The following MIA3 variants were observed in gnomAD, a reference collection of about 807,000 sequenced individuals.
The protein encoded by MIA3 is transport and Golgi organization protein 1 homolog.
A neutral mutation model predicts 192.4 loss-of-function variants in MIA3; 90 were observed. The ratio of observed to expected loss-of-function variants is 0.47; its 90% CI spans 0.39 to 0.56. The LOEUF (loss-of-function observed/expected upper bound fraction) is 0.56. Ranked by LOEUF, MIA3 falls within the 20% of genes least tolerant of loss-of-function variation. The pLI is 0.00. For synonymous variants in MIA3, 740 were observed against 792.8 expected (o/e 0.93, Z 1.12); for missense variants, 2,123 against 2,269.4 (o/e 0.94, Z 1.31).
At chr1:222,658,040 A>G (rs2936024) in intron 18 of MIA3, among the ~76,000 whole-genome samples, 145,921 of 152,320 alleles carry the variant, frequency 0.96, 69,929 homozygotes, top group Admixed American at 0.98. Context: ...ATAGTTGGCT[A>G]ACCTCTTGAG....
chr1:222,664,680 T>C (rs1159108893), intron 27 of MIA3, among the ~76,000 whole-genome samples: 1 of 152,190 alleles, frequency 6.6e-6, no homozygotes, highest in Non-Finnish European at 1.5e-5. Flanking sequence ...TAGATGGAGC[T>C]GGAAAGCCTT....
At chr1:222,636,458 G>A (rs998960463) in intron 6 of MIA3, among the ~76,000 whole-genome samples, 1 of 149,918 alleles carries the variant, frequency 6.7e-6, no homozygotes, top group Non-Finnish European at 1.5e-5. Context: ...GGCTGAAGGA[G>A]AGACCTCCTT....
intron 6 of MIA3, chr1:222,644,360 C>A: frequency 1.3e-6 from 2 of 1,499,282 alleles, no homozygotes; most frequent in Non-Finnish European, 1.8e-6. Flanking sequence ...AGGCGAAGTT[C>A]AATCCCAGAG....
At chr1:222,619,936 A>G (rs1291360308) in intron 1 of MIA3, among the ~76,000 whole-genome samples, 7 of 152,222 alleles carry the variant, frequency 4.6e-5, no homozygotes, top group Admixed American at 1.3e-4. Context: ...TTGGCATCTC[A>G]AATATTATTA....
In MIA3 at chr1:222,629,749, A is replaced by G; in HGVS notation, c.2529A>G (p.Glu843=). 1 of 1,614,212 alleles carries G rather than the reference A, an allele frequency of 6.2e-7. No homozygotes were observed. Among genetic ancestry groups the G allele is most frequent in the East Asian group, 2.2e-5 (1 of 44,878 alleles). ...AAATTCAGACTCCAGAATTAGGTGAAGTGTTTCAGAATAAAGATTCTGATT... is the reference window on the plus strand; with the variant it reads ...AAATTCAGACTCCAGAATTAGGTGAGGTGTTTCAGAATAAAGATTCTGATT... ...SIKIQTPELG[E]VFQNKDSDYL... Residue 843 remains glutamate, a synonymous_variant, in exon 4 of 28, where the codon GAA becomes GAG. Coordinates refer to ENST00000344922, the MANE Select transcript of MIA3 (RefSeq NM_198551.4).
At chr1:222,634,503 A>G (rs754406458) in intron 6 of MIA3, among the ~76,000 whole-genome samples, 3 of 152,168 alleles carry the variant, frequency 2.0e-5, no homozygotes, top group Non-Finnish European at 4.4e-5. Context: ...AGAGTCACTT[A>G]TGGCAGAATA....
chr1:222,664,283 C>G (rs886645580), intron 27 of MIA3, 135 bp downstream of exon 27: 11 of 912,498 alleles, frequency 1.2e-5, no homozygotes, highest in South Asian at 3.1e-5. Context: ...GTAACTTTTC[C>G]CCAAGTTTCT....
At chr1:222,634,225 G>A (rs1662533899) in intron 6 of MIA3, among the ~76,000 whole-genome samples, 1 of 152,034 alleles carries the variant, frequency 6.6e-6, no homozygotes, top group African/African-American at 2.4e-5. Flanking sequence ...GGAGGCTGAG[G>A]CAGGAGAATA....
rs759620912 is a variant in MIA3, at chr1:222,662,016, CA to C, written c.5114-34del. 7.1e-6 allele frequency: 11 copies of C among 1,539,284 alleles called. No homozygotes were observed. In the South Asian group the frequency reaches 9.1e-5, roughly 13 times the overall value. On this transcript the variant is annotated intron_variant, in intron 24 of 27. Coordinates refer to ENST00000344922, the MANE Select transcript of MIA3 (RefSeq NM_198551.4). ...TCTGTCCACAATTTATTATTTCTTC[CA>C]AAAAATACATATAAGGACTCTGTTA...
chr1:222,658,927 TC>T (rs1663869750), intron 19 of MIA3, 104 bp downstream of exon 19: 1 of 688,520 alleles, frequency 1.5e-6, no homozygotes, highest in Non-Finnish European at 2.5e-6. Context: ...CATGAATACA[TC>T]AATTCACACA....
chr1:222,657,852 A>G (rs1663815819), intron 18 of MIA3, among the ~76,000 whole-genome samples: 1 of 152,366 alleles, frequency 6.6e-6, no homozygotes. Context: ...AAGAATACAT[A>G]AACTTTTTTC....
chr1:222,625,683 G>A (rs1368448902), intron 3 of MIA3, among the ~76,000 whole-genome samples: 1 of 152,202 alleles, frequency 6.6e-6, no homozygotes, highest in African/African-American at 2.4e-5. Flanking sequence ...TTTATCTATA[G>A]TGCACAATGG....
At chr1:222,663,442 G>A (rs1222046949) in intron 26 of MIA3, among the ~76,000 whole-genome samples, 4 of 152,152 alleles carry the variant, frequency 2.6e-5, no homozygotes, top group African/African-American at 9.7e-5. Context: ...CTTACATGCT[G>A]TGTGACCATC....
At chr1:222,660,946 T>C (rs1663977848) in intron 24 of MIA3, 1 of 152,628 alleles carries the variant, frequency 6.6e-6, no homozygotes, top group African/African-American at 2.4e-5. Context: ...TTTTAAATCA[T>C]AAATGCATAA....
At chr1:222,652,163 T>C (rs1036426930) in intron 12 of MIA3, 65 bp from the exon 13 acceptor site, 32 of 1,456,418 alleles carry the variant, frequency 2.2e-5, no homozygotes, top group Non-Finnish European at 2.9e-5. Context: ...TGATGTTGGG[T>C]TGGAAAAGTA....
intron 2 of MIA3, among the ~76,000 whole-genome samples, chr1:222,623,003 G>A (rs188475385): frequency 2.0e-5 from 3 of 152,198 alleles, no homozygotes; most frequent in Non-Finnish European, 2.9e-5. Flanking sequence ...CAGTTAATTT[G>A]TGTACTGTCT....
chr1:222,629,590 A>C lies in MIA3; in HGVS notation c.2370A>C (p.Lys790Asn). Residue 790 changes from lysine (K) to asparagine (N), a missense_variant, in exon 4 of 28, where the codon AAA (lysine) becomes AAC (asparagine). Around this residue, in one of 3 missense-constraint regions of MIA3, gnomAD observed 1,357 missense variants for 1,396.1 expected, o/e 0.97. Coordinates refer to ENST00000344922, the MANE Select transcript of MIA3 (RefSeq NM_198551.4). Reference protein sequence around the residue: ...QETSMILDSEKTSETAAKGVN... With the variant: ...QETSMILDSENTSETAAKGVN... ...CTAGTATGATTTTGGATAGCGAAAA[A>C]ACAAGTGAGACTGCTGCCAAAGGGG... 6.2e-7 allele frequency: 1 copy of C among 1,613,990 alleles called. No individual in the cohort carries two copies. Among genetic ancestry groups the C allele is most frequent in the South Asian group, 1.1e-5 (1 of 91,078 alleles).
In MIA3 at chr1:222,659,522, T is replaced by C; in HGVS notation, c.4770+9T>C. ...GGTCATTTAAAAACCAGGTAATAAT[T>C]CTAGTGCCCTACTATATAGTGCCCG... On this transcript the variant is annotated intron_variant, in intron 20 of 27. Coordinates refer to ENST00000344922, the MANE Select transcript of MIA3 (RefSeq NM_198551.4). 6.2e-7 allele frequency: 1 copy of C among 1,613,240 alleles called. No individual in the cohort carries two copies. The highest frequency in any genetic ancestry group is 8.5e-7 in the Non-Finnish European group (1 of 1,179,280).
At chr1:222,665,116 T>C (rs1162459569) in intron 27 of MIA3, 193 bp from the exon 28 acceptor site, 8 of 561,642 alleles carry the variant, frequency 1.4e-5, no homozygotes, top group East Asian at 6.1e-5. Flanking sequence ...GGAGGATTGA[T>C]TGAGTCCGGG....
Sources: allele counts gnomAD v4.1 joint callset (sites outside exome capture counted in the v4.1 genomes callset), GRCh38; gene constraint gnomAD v4.1.1; regional missense constraint gnomAD v4.1.1; transcripts MANE v1.5; gene names NCBI Gene and HGNC (gene_info 2026-07-23, HGNC 2026-07-21).